The following DCC variants were observed in gnomAD, a reference collection of about 807,000 sequenced individuals.
The protein encoded by DCC is netrin receptor DCC.
Under a neutral mutation model 172.5 loss-of-function variants are expected in DCC, and 58 were observed. The observed-to-expected ratio is 0.34, with a 90% CI of 0.27 to 0.42. The LOEUF (loss-of-function observed/expected upper bound fraction) is 0.42, where lower values mean the gene tolerates loss of function less well. Among genes scored for constraint, DCC ranks in the 10% least tolerant of loss-of-function variants. The pLI, the probability that DCC is intolerant of heterozygous loss-of-function variation, is 1.00. For missense variants in DCC, 1,740 were observed against 1,791.0 expected (o/e 0.97, Z 0.51); for synonymous variants, 709 against 644.5 (o/e 1.10, Z -1.52).
intron 15 of DCC, among the ~76,000 whole-genome samples, chr18:53,356,684 C>T (rs1308182781): frequency 6.6e-6 from 1 of 152,126 alleles, no homozygotes; most frequent in Non-Finnish European, 1.5e-5. Flanking sequence ...GAAGTGTCCT[C>T]ATACACATGC....
At chr18:53,508,456 G>A (rs918057343) in intron 27 of DCC, among the ~76,000 whole-genome samples, 1 of 152,094 alleles carries the variant, frequency 6.6e-6, no homozygotes, top group African/African-American at 2.4e-5. Context: ...CTCTCCCAAA[G>A]TGTTAGGATT....
intron 1 of DCC, among the ~76,000 whole-genome samples, chr18:52,452,963 C>A (rs1000867538): frequency 2.0e-5 from 3 of 152,184 alleles, no homozygotes; most frequent in African/African-American, 4.8e-5. Context: ...ACAGAATTAG[C>A]ATTTTGAAAT....
chr18:53,420,626 T>G (rs1215696605), intron 21 of DCC, among the ~76,000 whole-genome samples: 3 of 152,112 alleles, frequency 2.0e-5, no homozygotes, highest in African/African-American at 7.2e-5. Context: ...TGGTGGAGAG[T>G]GACCTCTCTG....
At chr18:52,574,492 TTAGA>T (rs1169259478) in intron 1 of DCC, among the ~76,000 whole-genome samples, 4 of 152,176 alleles carry the variant, frequency 2.6e-5, no homozygotes, top group Non-Finnish European at 5.9e-5. Flanking sequence ...CATAAAGCTG[TTAGA>T]TAGAGCTATG....
intron 1 of DCC, among the ~76,000 whole-genome samples, chr18:52,527,975 G>C (rs1249536736): frequency 6.6e-6 from 1 of 152,076 alleles, no homozygotes; most frequent in East Asian, 1.9e-4. Flanking sequence ...AGGCAAATTT[G>C]CCTGCCTTTC....
intron 15 of DCC, among the ~76,000 whole-genome samples, chr18:53,373,577 A>G (rs950978307): frequency 6.6e-6 from 1 of 152,090 alleles, no homozygotes; most frequent in African/African-American, 2.4e-5. Context: ...TCATTTCATC[A>G]TGTTTTATTA....
intron 2 of DCC, among the ~76,000 whole-genome samples, chr18:52,815,728 T>TA (rs1440929475): frequency 6.6e-6 from 1 of 152,180 alleles, no homozygotes; most frequent in Non-Finnish European, 1.5e-5. Flanking sequence ...GCATAAAAGC[T>TA]AAAACATCAA....
intron 27 of DCC, among the ~76,000 whole-genome samples, chr18:53,513,655 G>A (rs1568180022): frequency 6.6e-6 from 1 of 151,962 alleles, no homozygotes; most frequent in Non-Finnish European, 1.5e-5. Context: ...AAAGGCAGGG[G>A]TTGCAATCCT....
At chr18:53,359,184 T>TGA (rs2057917599) in intron 15 of DCC, among the ~76,000 whole-genome samples, 1 of 152,156 alleles carries the variant, frequency 6.6e-6, no homozygotes, top group Admixed American at 6.6e-5. Context: ...AGAGATAACT[T>TGA]GAGTGCAGGT....
chr18:52,474,855 G>T (rs548634426), intron 1 of DCC, among the ~76,000 whole-genome samples: 1 of 152,146 alleles, frequency 6.6e-6, no homozygotes, highest in Non-Finnish European at 1.5e-5. Context: ...CAGTGAAATG[G>T]GGACCCCAAC....
At chr18:52,531,876 G>T (rs995752896) in intron 1 of DCC, among the ~76,000 whole-genome samples, 12 of 152,090 alleles carry the variant, frequency 7.9e-5, no homozygotes, top group African/African-American at 2.9e-4. Flanking sequence ...CTACGTTCAA[G>T]CATATTCTTG....
At chr18:53,458,603 A>T (rs1015648169) in intron 23 of DCC, among the ~76,000 whole-genome samples, 1 of 152,226 alleles carries the variant, frequency 6.6e-6, no homozygotes, top group African/African-American at 2.4e-5. Flanking sequence ...CATGTGAAAT[A>T]CATTTTCAAA....
chr18:52,460,476 C>T (rs1988597006), intron 1 of DCC, among the ~76,000 whole-genome samples: 1 of 152,060 alleles, frequency 6.6e-6, no homozygotes. Flanking sequence ...TAGTTTATTG[C>T]TGGTGTCTCT....
intron 2 of DCC, among the ~76,000 whole-genome samples, chr18:52,812,503 AT>A (rs1229650615): frequency 6.6e-6 from 1 of 152,224 alleles, no homozygotes; most frequent in East Asian, 1.9e-4. Flanking sequence ...TATTGTGCTC[AT>A]CAAAGGTCTT....
At chr18:52,526,405 G>A (rs1353682870) in intron 1 of DCC, among the ~76,000 whole-genome samples, 1 of 152,050 alleles carries the variant, frequency 6.6e-6, no homozygotes, top group African/African-American at 2.4e-5. Flanking sequence ...TCAAAGGCAA[G>A]GTCTTCAGAC....
Position 53,063,399 on chromosome 18 carries a change from C to G in DCC, c.1080C>G (p.Pro360=), listed in dbSNP as rs375750712. Residue 360 remains proline (P), a synonymous_variant, in exon 6 of 29, where the codon CCC becomes CCG. Coordinates refer to ENST00000442544, the MANE Select transcript of DCC (RefSeq NM_005215.4). ...GTACAGTCTCTGGAAAGCCTGTGCC[C>G]ACTGTGAATTGGATGAAGAATGGAG... ...FECTVSGKPV[P]TVNWMKNGDV... is the part of the protein sequence containing the mutation. 1.4e-5 allele frequency: 23 copies of G among 1,611,344 alleles called. No individual in the cohort carries two copies. The highest frequency in any genetic ancestry group is 4.0e-5 in the African/African-American group (3 of 74,770).
intron 5 of DCC, among the ~76,000 whole-genome samples, chr18:52,972,517 C>CTTTTTTTTTTT (rs34383367): frequency 1.4e-5 from 2 of 138,820 alleles, no homozygotes; most frequent in Non-Finnish European, 1.6e-5. Flanking sequence ...AAATTTCTTG[C>CTTTTTTTTTTT]TTTTTTTTTT....
intron 7 of DCC, among the ~76,000 whole-genome samples, chr18:53,096,870 T>C (rs939675553): frequency 6.6e-6 from 1 of 152,224 alleles, no homozygotes; most frequent in African/African-American, 2.4e-5. Flanking sequence ...ATAACTACTT[T>C]ATAATGAAGT....
intron 1 of DCC, among the ~76,000 whole-genome samples, chr18:52,644,520 G>T (rs8085879): frequency 2.7e-5 from 4 of 150,162 alleles, no homozygotes; most frequent in South Asian, 2.1e-4. Flanking sequence ...CGGAGCTTGC[G>T]GTGAACCGAG....
Sources: gnomAD v4.1 joint callset for allele counts (sites outside exome capture counted in the v4.1 genomes callset) on GRCh38, gnomAD v4.1.1 for gene constraint, MANE v1.5 for transcripts, NCBI Gene and HGNC (gene_info 2026-07-23, HGNC 2026-07-21) for gene names.